Variants in RHOBTB2 observed in about 807,000 individuals in gnomAD.
RHOBTB2 encodes the protein rho-related BTB domain-containing protein 2.
RHOBTB2 carries 39 observed loss-of-function variants against 66.5 expected under a neutral mutation model. The observed-to-expected ratio is 0.59, with a 90% CI of 0.45 to 0.77. The LOEUF (loss-of-function observed/expected upper bound fraction) is 0.77, where lower values mean the gene tolerates loss of function less well. Among genes scored for constraint, RHOBTB2 ranks in the 30% least tolerant of loss-of-function variants. The pLI is 0.00. For missense variants in RHOBTB2, 755 were observed against 999.1 expected, an observed-to-expected ratio of 0.76 and a Z score of 3.29; for synonymous variants, 390 against 395.0, an observed-to-expected ratio of 0.99 and a Z score of 0.15.
upstream of RHOBTB2, among the ~76,000 whole-genome samples, chr8:22,983,336 T>TA (rs532894152): frequency 0.18 from 23,759 of 134,420 alleles, 2,267 homozygotes; most frequent in Middle Eastern, 0.25. Context: ...ACCATTTAGT[T>TA]AAAAAAAAAA....
chr8:23,005,966 TGTG>T lies in RHOBTB2; in HGVS notation c.309_311del (p.Val104del), dbSNP rs1214997793. On this transcript the variant is annotated inframe_deletion, in exon 4 of 10. Coordinates refer to ENST00000251822, the MANE Select transcript of RHOBTB2 (RefSeq NM_015178.3). Reference sequence around the variant, plus strand: ...CTTACTTTCCCACCCGCAGATCTGATGTGGTGGTTCTGTGCTTCTCCATTGCCA... The same window carrying T: ...CTTACTTTCCCACCCGCAGATCTGATGTGGTTCTGTGCTTCTCCATTGCCA... 1.2e-6 allele frequency: 2 copies of T among 1,611,906 alleles called. No homozygotes were observed. The highest frequency in any genetic ancestry group is 1.7e-5 in the Admixed American group (1 of 59,950).
the RHOBTB2 span, among the ~76,000 whole-genome samples, chr8:22,962,674 A>G: frequency 6.6e-6 from 1 of 152,350 alleles, no homozygotes; most frequent in East Asian, 1.9e-4. Context: ...GTGTATGATC[A>G]TATAATAAAA....
chr8:22,965,973 G>A, the RHOBTB2 span, among the ~76,000 whole-genome samples: 1 of 152,166 alleles, frequency 6.6e-6, no homozygotes, highest in Non-Finnish European at 1.5e-5. Context: ...TGTCAACAGA[G>A]TAAAAAGGCA....
the RHOBTB2 span, among the ~76,000 whole-genome samples, chr8:22,972,238 G>A: frequency 6.6e-6 from 1 of 152,142 alleles, no homozygotes; most frequent in African/African-American, 2.4e-5. Flanking sequence ...ACATGTAGGG[G>A]CTCATGAAAA....
rs888135765 is a variant in RHOBTB2, at chr8:23,018,351, C to T, written c.*882C>T. The T allele has an allele frequency of 6.5e-6, 1 of 152,734 alleles. No individual in the cohort carries two copies. Among genetic ancestry groups the T allele is most frequent in the African/African-American group, 2.4e-5 (1 of 41,454 alleles). The allele number at this position is 152,734 out of a possible 1,614,324, so 9.5% of individuals were successfully genotyped here. On this transcript the variant is annotated 3_prime_UTR_variant, in exon 10 of 10. Coordinates refer to ENST00000251822, the MANE Select transcript of RHOBTB2 (RefSeq NM_015178.3). ...AGGGTGGGGCAAAATTAGCAAAAAA[C>T]AAAAACCAATGACAACCAAACTGAA... is the stretch of plus-strand genomic sequence containing the variant.
chr8:22,971,443 C>T, the RHOBTB2 span, among the ~76,000 whole-genome samples: 1,441 of 152,106 alleles, frequency 9.5e-3, 24 homozygotes, highest in African/African-American at 0.033. Context: ...TCTCGACCTC[C>T]CAAAGTGCTG....
the RHOBTB2 span, among the ~76,000 whole-genome samples, chr8:22,976,619 C>T: frequency 6.6e-6 from 1 of 152,122 alleles, no homozygotes; most frequent in African/African-American, 2.4e-5. Context: ...GTTGACATAG[C>T]ATAATCCATA....
chr8:22,980,591 G>C, the RHOBTB2 span, among the ~76,000 whole-genome samples: 2 of 152,280 alleles, frequency 1.3e-5, no homozygotes, highest in East Asian at 1.9e-4. Flanking sequence ...AGAGAAATAA[G>C]AATTCATTTA....
rs1480474586 is a variant in RHOBTB2 at position 23,015,645 on chromosome 8, G to C, written c.1868G>C (p.Cys623Ser). The C allele has an allele frequency of 5.6e-6, 9 of 1,612,586 alleles. No individual in the cohort carries two copies. The highest frequency in any genetic ancestry group is 6.8e-6 in the Non-Finnish European group (8 of 1,178,692). Residue 623 changes from cysteine (C) to serine (S), a missense_variant, in exon 9 of 10, where the codon TGT (cysteine) becomes TCT (serine). By Grantham distance (112) the Cys-to-Ser change is moderately radical. This residue lies in a region of RHOBTB2 where 353 missense variants were observed against 458.2 expected (regional missense o/e 0.77). Coordinates refer to ENST00000251822, the MANE Select transcript of RHOBTB2 (RefSeq NM_015178.3). ...CTTCCCTTCTGTCCCCAGTTCCACTGTGCGTACCAGCTGGCCGACTGGTGT... is the reference window on the plus strand; with the variant it reads ...CTTCCCTTCTGTCCCCAGTTCCACTCTGCGTACCAGCTGGCCGACTGGTGT... ...LVFLELAQFHCAYQLADWCLH... is the reference protein window; with the variant it reads ...LVFLELAQFHSAYQLADWCLH...
intron 1 of RHOBTB2, among the ~76,000 whole-genome samples, chr8:22,991,771 C>T (rs1360978447): frequency 6.6e-6 from 1 of 152,192 alleles, no homozygotes; most frequent in African/African-American, 2.4e-5. Context: ...AAGAGGAGCT[C>T]AGAGCACAGG....
In RHOBTB2 at chr8:23,017,376, C is replaced by G. The variant is rs1388871808; in HGVS notation, c.2091C>G (p.Pro697=). The change falls in exon 10 of 10, where the codon CCC becomes CCG. Residue 697 remains proline, a synonymous_variant. Coordinates refer to ENST00000251822, the MANE Select transcript of RHOBTB2 (RefSeq NM_015178.3). The surrounding 1 kb of genome is among the most constrained non-coding windows in gnomAD (Gnocchi z 5.3). ...KEDYLHLKRQ[P]KRRWLFWNSP... ...ACTACCTCCACCTCAAGCGGCAGCC[C>G]AAACGGCGTTGGCTCTTCTGGAACA... 14 of 1,614,066 alleles carry G rather than the reference C, an allele frequency of 8.7e-6. No individual in the cohort carries two copies. The Admixed American group carries it at 1.5e-4, about 17-fold the overall frequency.
At chr8:23,016,991 C>A (rs874606) in intron 9 of RHOBTB2, among the ~76,000 whole-genome samples, 3,773 of 152,274 alleles carry the variant, frequency 0.025, 147 homozygotes, top group African/African-American at 0.086. Flanking sequence ...GTTTCATTCC[C>A]AACGCACAGG....
chr8:23,005,627 G>A (rs1316211039), intron 3 of RHOBTB2, 152 bp downstream of exon 3: 34 of 653,904 alleles, frequency 5.2e-5, no homozygotes, highest in Admixed American at 3.3e-4. Flanking sequence ...GGGGCAGCCT[G>A]GTGCAGTGAA....
chr8:23,013,477 G>GT (rs1563295534), intron 7 of RHOBTB2, among the ~76,000 whole-genome samples: 1 of 151,908 alleles, frequency 6.6e-6, no homozygotes, highest in African/African-American at 2.4e-5. Context: ...CTACAGCATG[G>GT]TTTTTTGCAT....
chr8:22,991,625 G>T (rs1463825979), intron 1 of RHOBTB2, among the ~76,000 whole-genome samples: 1 of 152,144 alleles, frequency 6.6e-6, no homozygotes, highest in Non-Finnish European at 1.5e-5. Flanking sequence ...AACCCATGGG[G>T]ACAGGAACTC....
At chr8:23,012,296 G>A (rs1290407542) in intron 7 of RHOBTB2, among the ~76,000 whole-genome samples, 1 of 152,216 alleles carries the variant, frequency 6.6e-6, no homozygotes, top group African/African-American at 2.4e-5. Context: ...AACCGTTGGT[G>A]AAGCACACAC....
rs7821270 is a variant in RHOBTB2 at position 23,018,136 on chromosome 8, T to A, written c.*667T>A. 1 of 152,496 alleles carries A rather than the reference T, an allele frequency of 6.6e-6. No individual in the cohort carries two copies. The highest frequency in any genetic ancestry group is 2.4e-5 in the African/African-American group (1 of 41,536). The allele number at this position is 152,496 out of a possible 1,614,324, so 9.4% of individuals were successfully genotyped here. A position where few individuals can be genotyped will look rare whatever the true frequency, so the allele number is the denominator to read the frequency against. ...AATGGGGACACAGGTCATTCAGAGC[T>A]CCAGGCCTGGAAGCAGTGCCTCTTG... On this transcript the variant is annotated 3_prime_UTR_variant, in exon 10 of 10. Coordinates refer to ENST00000251822, the MANE Select transcript of RHOBTB2 (RefSeq NM_015178.3).
At chr8:22,981,606 C>T in the RHOBTB2 span, among the ~76,000 whole-genome samples, 2 of 152,164 alleles carry the variant, frequency 1.3e-5, no homozygotes, top group Non-Finnish European at 2.9e-5. Flanking sequence ...GTGGGTAGTC[C>T]AGGCTTCTTC....
Position 23,006,322 on chromosome 8 carries a change from C to A in RHOBTB2, c.482+177C>A. The stretch of plus-strand genomic sequence containing the variant: ...ATTCATTCATATACCTGTTGCACAC[C>A]TCTGGTGTGGGCAGTGCTATGTAAA... On this transcript the variant is annotated intron_variant, in intron 4 of 9. Transcript: ENST00000251822. This position sits in a 1 kb window ranked among gnomAD's most constrained non-coding sequence, Gnocchi z 6.1. 1.6e-6 allele frequency: 1 copy of A among 611,120 alleles called. No homozygotes were observed. Among genetic ancestry groups the A allele is most frequent in the Non-Finnish European group, 2.9e-6 (1 of 346,540 alleles). The allele number at this position is 611,120 out of a possible 1,614,324, so 37.9% of individuals were successfully genotyped here. A position where few individuals can be genotyped will look rare whatever the true frequency, so the allele number is the denominator to read the frequency against.
Sources: allele counts gnomAD v4.1 joint callset (sites outside exome capture counted in the v4.1 genomes callset), GRCh38; gene constraint gnomAD v4.1.1; regional missense constraint gnomAD v4.1.1; non-coding constraint Gnocchi (gnomAD v3.1); transcripts MANE v1.5; gene names NCBI Gene and HGNC (gene_info 2026-07-23, HGNC 2026-07-21).